The following NBEA variants were observed in gnomAD, a reference collection of about 807,000 sequenced individuals.
The protein encoded by NBEA is neurobeachin, also known as lysosomal-trafficking regulator 2.
Under a neutral mutation model 343.4 loss-of-function variants are expected in NBEA, and 44 were observed. The ratio of observed to expected loss-of-function variants is 0.13; its 90% CI spans 0.10 to 0.16. NBEA has a LOEUF of 0.16. Ranked by LOEUF, NBEA falls within the 10% of genes least tolerant of loss-of-function variation. NBEA has a pLI of 1.00. For missense variants in NBEA, 2,555 were observed against 3,631.3 expected, an observed-to-expected ratio of 0.70 and a Z score of 7.62; for synonymous variants, 1,175 against 1,238.7, an observed-to-expected ratio of 0.95 and a Z score of 1.08.
chr13:35,311,528 GA>G (rs2037364725), intron 36 of NBEA, among the ~76,000 whole-genome samples: 1 of 152,010 alleles, frequency 6.6e-6, no homozygotes, highest in Admixed American at 6.6e-5. Context: ...GGAAAGGTTA[GA>G]AATAAAGAAA....
chr13:35,468,630 C>T (rs1311314874), intron 40 of NBEA, among the ~76,000 whole-genome samples: 1 of 152,062 alleles, frequency 6.6e-6, no homozygotes, highest in Non-Finnish European at 1.5e-5. Context: ...AGTCTTTTAA[C>T]ACCCCTAAGT....
chr13:35,637,880 A>T (rs1015450578), intron 49 of NBEA, among the ~76,000 whole-genome samples: 1 of 152,100 alleles, frequency 6.6e-6, no homozygotes, highest in African/African-American at 2.4e-5. Context: ...AGATGAATGG[A>T]TAAACAAAAT....
chr13:35,179,683 C>T, intron 28 of NBEA: 1 of 637,166 alleles, frequency 1.6e-6, no homozygotes, highest in Non-Finnish European at 2.0e-6. Flanking sequence ...TCATTCCACA[C>T]ATATTTGTTG....
At chr13:35,486,270 T>C (rs1467003690) in intron 41 of NBEA, among the ~76,000 whole-genome samples, 2 of 152,116 alleles carry the variant, frequency 1.3e-5, no homozygotes, top group Non-Finnish European at 2.9e-5. Flanking sequence ...AAATTTATCA[T>C]ATTACAGAAC....
chr13:35,187,660 G>A (rs1045117810), intron 30 of NBEA, among the ~76,000 whole-genome samples: 7 of 151,668 alleles, frequency 4.6e-5, no homozygotes, highest in Admixed American at 2.0e-4. Flanking sequence ...CTTACTGATC[G>A]TTATTCTTTT....
At chr13:35,321,139 G>A (rs966114197) in intron 36 of NBEA, among the ~76,000 whole-genome samples, 2 of 152,026 alleles carry the variant, frequency 1.3e-5, no homozygotes, top group African/African-American at 4.8e-5. Flanking sequence ...TCCCCTGCTG[G>A]CGAGGAGTTG....
At chr13:35,350,728 A>ATATG (rs2040151139) in intron 37 of NBEA, among the ~76,000 whole-genome samples, 1 of 137,846 alleles carries the variant, frequency 7.3e-6, no homozygotes, top group Non-Finnish European at 1.6e-5. Context: ...AGAGCTATTG[A>ATATG]TGTGTGTGTG....
intron 48 of NBEA, among the ~76,000 whole-genome samples, chr13:35,608,028 T>A (rs1450210602): frequency 1.3e-5 from 2 of 152,206 alleles, no homozygotes; most frequent in Non-Finnish European, 2.9e-5. Flanking sequence ...GTCACTTTTC[T>A]TTTGGACTTT....
Position 35,333,420 on chromosome 13 carries a change from A to G in NBEA, c.5904-15688A>G, listed in dbSNP as rs536900854. The stretch of plus-strand genomic sequence containing the variant: ...TAAAATTTTTTATTTTTGTGCATAC[A>G]TGGTAGATGTATATATTTGTGGGGT... On this transcript the variant is annotated intron_variant, in intron 36 of 58. Transcript: ENST00000379939. 4.6e-5 allele frequency among the ~76,000 whole-genome samples: 7 copies of G among 152,224 alleles called. No individual in the cohort carries two copies. In the South Asian group the frequency reaches 1.2e-3, roughly 27 times the overall value.
At chr13:35,285,575 TC>T (rs1258814499) in intron 34 of NBEA, among the ~76,000 whole-genome samples, 2 of 152,166 alleles carry the variant, frequency 1.3e-5, no homozygotes, top group Non-Finnish European at 2.9e-5. Context: ...CTCTGATGGT[TC>T]CTTTACCCTG....
chr13:35,307,326 T>A (rs531294878), intron 35 of NBEA, among the ~76,000 whole-genome samples: 2 of 152,172 alleles, frequency 1.3e-5, no homozygotes, highest in East Asian at 3.9e-4. Flanking sequence ...AAACACTGAT[T>A]TATTGAATGA....
chr13:35,364,618 G>A (rs1372869583), intron 38 of NBEA, among the ~76,000 whole-genome samples: 1 of 151,774 alleles, frequency 6.6e-6, no homozygotes, highest in Non-Finnish European at 1.5e-5. Flanking sequence ...ATGTTGTCAT[G>A]AAAGTGATTA....
At chr13:35,067,018 TC>T (rs2063677285) in intron 8 of NBEA, among the ~76,000 whole-genome samples, 1 of 152,126 alleles carries the variant, frequency 6.6e-6, no homozygotes, top group Admixed American at 6.6e-5. Flanking sequence ...ATTAATTTTA[TC>T]CTAGTGAGTT....
chr13:35,078,517 CAT>C (rs2064221121), intron 10 of NBEA, among the ~76,000 whole-genome samples: 1 of 152,126 alleles, frequency 6.6e-6, no homozygotes, highest in Admixed American at 6.6e-5. Flanking sequence ...AGATGAATGT[CAT>C]ATTCAATCTG....
chr13:35,136,954 T>G (rs867751712), intron 17 of NBEA, among the ~76,000 whole-genome samples: 1 of 152,230 alleles, frequency 6.6e-6, no homozygotes, highest in African/African-American at 2.4e-5. Flanking sequence ...GAAAATAATT[T>G]AAGTGTTTTA....
At chr13:35,220,559 GTTTTA>G (rs902970984) in intron 33 of NBEA, among the ~76,000 whole-genome samples, 3 of 151,944 alleles carry the variant, frequency 2.0e-5, no homozygotes, top group Admixed American at 2.0e-4. Flanking sequence ...TTCATTCTGT[GTTTTA>G]TTTATTTATT....
At chr13:35,108,912 A>ATT (rs2066049023) in intron 11 of NBEA, among the ~76,000 whole-genome samples, 1 of 152,102 alleles carries the variant, frequency 6.6e-6, no homozygotes, top group Non-Finnish European at 1.5e-5. Context: ...TTTAAGCAGT[A>ATT]TTTTTACATA....
chr13:35,215,744 A>C (rs190127779), intron 33 of NBEA, among the ~76,000 whole-genome samples: 3 of 151,760 alleles, frequency 2.0e-5, no homozygotes, highest in Admixed American at 1.3e-4. Flanking sequence ...GCATGAGATA[A>C]TGTCACTTGT....
At position 35,098,351 on chromosome 13, in the gene NBEA, A is replaced by G. The variant is rs773904391; in HGVS notation, c.1626A>G (p.Gln542=). ...VELLKSSVAM[Q]EQMLGGKGFL... is the part of the protein sequence containing the mutation. ...TACTTAAAAGTTCAGTAGCCATGCAAGAACAGATGCTGGGTGGAAAAGGCT... is the reference window on the plus strand; with the variant it reads ...TACTTAAAAGTTCAGTAGCCATGCAGGAACAGATGCTGGGTGGAAAAGGCT... The change falls in exon 11 of 59, where the codon CAA becomes CAG. Residue 542 remains glutamine, a synonymous_variant. Transcript: ENST00000379939. The G allele has an allele frequency of 1.5e-5, 24 of 1,594,578 alleles. No individual in the cohort carries two copies. The South Asian group carries it at 2.5e-4, about 17-fold the overall frequency.
Sources: gnomAD v4.1 joint callset for allele counts (sites outside exome capture counted in the v4.1 genomes callset) on GRCh38, gnomAD v4.1.1 for gene constraint, MANE v1.5 for transcripts, NCBI Gene and HGNC (gene_info 2026-07-23, HGNC 2026-07-21) for gene names.